The following RNH1 variants were observed in gnomAD, a reference collection of about 807,000 sequenced individuals.
RNH1 encodes ribonuclease/angiogenin inhibitor 1.
Under a neutral mutation model 46.1 loss-of-function variants are expected in RNH1, and 38 were observed. That is an observed-to-expected ratio of 0.82 (90% CI 0.64 to 1.08). The LOEUF (loss-of-function observed/expected upper bound fraction) is 1.08, where lower values mean the gene tolerates loss of function less well. Ranked by LOEUF, RNH1 falls within the 50% of genes least tolerant of loss-of-function variation. RNH1 has a pLI of 0.00. For missense variants in RNH1, 577 were observed against 590.7 expected, an observed-to-expected ratio of 0.98 and a Z score of 0.24; for synonymous variants, 319 against 279.1, an observed-to-expected ratio of 1.14 and a Z score of -1.43.
At chr11:500,219 T>C in intron 4 of RNH1, 1 of 656,028 alleles carries the variant, frequency 1.5e-6, no homozygotes, top group Non-Finnish European at 2.6e-6. Flanking sequence ...CACCTTTCAG[T>C]GGGGGTCTGT....
chr11:498,718 C>T (rs376525815), intron 7 of RNH1, 45 bp downstream of exon 7: 70 of 1,589,294 alleles, frequency 4.4e-5, no homozygotes, highest in African/African-American at 3.2e-4. Flanking sequence ...GAGGACGGCC[C>T]GCCGCCCGAC....
chr11:494,775 C>A lies in RNH1; in HGVS notation c.1302G>T (p.Leu434=). The change falls in exon 11 of 11, where the codon CTG becomes CTT. Residue 434 remains leucine (L), a synonymous_variant. Transcript: ENST00000354420. Reference sequence around the variant, plus strand: ...TCTCCTCAGACCAGTAAATGTCGTACAGGCTGCACACAGGCCAGAAGGGAG... The same window carrying A: ...TCTCCTCAGACCAGTAAATGTCGTAAAGGCTGCACACAGGCCAGAAGGGAG... ...QPGCLLEQLV[L]YDIYWSEEME... 1.1e-5 allele frequency: 18 copies of A among 1,613,998 alleles called. No individual in the cohort carries two copies. Among genetic ancestry groups the A allele is most frequent in the Non-Finnish European group, 1.4e-5 (17 of 1,180,004 alleles).
rs745693741 is a variant in RNH1 at position 494,996 on chromosome 11, C to T, written c.1185G>A (p.Leu395=). 62 of 1,605,302 alleles carry T rather than the reference C, an allele frequency of 3.9e-5. No individual in the cohort carries two copies. The highest frequency in any genetic ancestry group is 5.1e-5 in the Non-Finnish European group (60 of 1,176,490). Reference sequence around the variant, plus strand: ...CCAGCTCACGCAGGCTGTGGTTGGCCAACAGGGTTGCGGCGAGGCTGCTGC... The same window carrying T: ...CCAGCTCACGCAGGCTGTGGTTGGCTAACAGGGTTGCGGCGAGGCTGCTGC... ...SSCSSLAATL[L]ANHSLRELDL... Residue 395 remains leucine, a synonymous_variant, in exon 10 of 11, where the codon TTG becomes TTA. Transcript: ENST00000354420.
At chr11:505,107 A>G (rs1473314323) in intron 1 of RNH1, 111 bp from the exon 2 acceptor site, 1 of 152,070 alleles carries the variant, frequency 6.6e-6, no homozygotes, top group East Asian at 1.9e-4. Flanking sequence ...ATGTCTCTCT[A>G]AAACATGTAA....
chr11:500,278 CG>C, intron 4 of RNH1: 1 of 696,490 alleles, frequency 1.4e-6, no homozygotes, highest in Non-Finnish European at 2.4e-6. Context: ...ATCTTGGGTG[CG>C]GGGGCTGGGA....
At position 501,997 on chromosome 11, in the gene RNH1, G is replaced by T; in HGVS notation, c.101+65C>A. 1 of 1,132,028 alleles carries T rather than the reference G, an allele frequency of 8.8e-7. No homozygotes were observed. The highest frequency in any genetic ancestry group is 1.3e-6 in the Non-Finnish European group (1 of 768,026). The allele number at this position is 1,132,028 out of a possible 1,614,324, so 70.1% of individuals were successfully genotyped here. ...GCGTTCCAGAGCAATGCACCCTTCA[G>T]AGGGAGCCGCCACCCGCCAGCCTGC... On this transcript the variant is annotated intron_variant, in intron 3 of 10. Transcript: ENST00000354420. This position sits in a 1 kb window ranked among gnomAD's most constrained non-coding sequence, Gnocchi z 4.1.
At chr11:499,442 G>A (rs986371254) in intron 5 of RNH1, 2 of 679,952 alleles carry the variant, frequency 2.9e-6, no homozygotes, top group African/African-American at 1.8e-5. Context: ...AAAGAAACCA[G>A]CCTCTGGAGG....
chr11:499,023 C>T lies in RNH1; in HGVS notation c.606G>A (p.Glu202=). Residue 202 remains glutamate, a synonymous_variant, in exon 6 of 11, where the codon GAG becomes GAA. Transcript: ENST00000354420. ...CAAGGCCCAGTGCCTACTTGAGCGC[C>T]TCCAGCTGGCAGGGGGAGTCCTTCA... The part of the protein sequence containing the change: ...QGLKDSPCQL[E]ALKLESCGVT... 6.2e-7 allele frequency: 1 copy of T among 1,613,172 alleles called. No homozygotes were observed. The highest frequency in any genetic ancestry group is 8.5e-7 in the Non-Finnish European group (1 of 1,179,940).
intron 5 of RNH1, 62 bp from the exon 6 acceptor site, chr11:499,247 G>A: frequency 6.4e-7 from 1 of 1,568,660 alleles, no homozygotes; most frequent in Non-Finnish European, 8.7e-7. Context: ...TGTGATACCA[G>A]GGAGCACGGG....
At position 501,795 on chromosome 11, in the gene RNH1, C is replaced by G. The variant is rs147483158; in HGVS notation, c.101+267G>C. ...TCCAAGGGAGGGAGAGGAGCTGAGA[C>G]ACCGGAGCCAGAGACCCACTGGCCA... is the stretch of plus-strand genomic sequence containing the variant. On this transcript the variant is annotated intron_variant, in intron 3 of 10. Coordinates refer to ENST00000354420, the MANE Select transcript of RNH1 (RefSeq NM_203387.3). The surrounding 1 kb of genome is among the most constrained non-coding windows in gnomAD (Gnocchi z 4.1). 5.5e-4 allele frequency: 280 copies of G among 509,778 alleles called. No homozygotes were observed. The highest frequency in any genetic ancestry group is 4.8e-3 in the African/African-American group (252 of 52,340). 31.6% of individuals were successfully genotyped at this position (509,778 alleles called of 1,614,324 possible).
Position 501,902 on chromosome 11 carries a change from A to T in RNH1, c.101+160T>A. On this transcript the variant is annotated intron_variant, in intron 3 of 10. Coordinates refer to ENST00000354420, the MANE Select transcript of RNH1 (RefSeq NM_203387.3). This position sits in a 1 kb window ranked among gnomAD's most constrained non-coding sequence, Gnocchi z 4.1. The stretch of plus-strand genomic sequence containing the variant: ...GTTTTACATTCCTAAATTGTCAAAA[A>T]GAAACACAAGAATCACATCTCATGC... 1 of 608,948 alleles carries T rather than the reference A, an allele frequency of 1.6e-6. No individual in the cohort carries two copies. The highest frequency in any genetic ancestry group is 2.8e-5 in the East Asian group (1 of 36,242). 37.7% of individuals were successfully genotyped at this position (608,948 alleles called of 1,614,324 possible). A position where few individuals can be genotyped will look rare whatever the true frequency, so the allele number is the denominator to read the frequency against.
At chr11:495,635 C>A (rs558617348) in intron 9 of RNH1, among the ~76,000 whole-genome samples, 1 of 152,302 alleles carries the variant, frequency 6.6e-6, no homozygotes, top group Non-Finnish European at 1.5e-5. Context: ...GCTGCAGGAC[C>A]CCCACCCTGT....
rs746985382 is a variant in RNH1, at chr11:500,560, T to C, written c.196A>G (p.Asn66Asp). ...PALAELNLRSNELGDVGVHCV... is the reference protein window; with the variant it reads ...PALAELNLRSDELGDVGVHCV... The stretch of plus-strand genomic sequence containing the variant: ...TGCACGCCGACATCGCCCAGCTCGT[T>C]GCTGCGCAGGTTGAGCTCTGCCAGT... Residue 66 changes from asparagine (N) to aspartate (D), a missense_variant, in exon 4 of 11, where the codon AAC becomes GAC. Physicochemically the swap from Asn to Asp is conservative, Grantham distance 23 (BLOSUM62 1). Transcript: ENST00000354420. The C allele has an allele frequency of 2.1e-5, 34 of 1,610,920 alleles. No homozygotes were observed. Among genetic ancestry groups the C allele is most frequent in the Non-Finnish European group, 2.9e-5 (34 of 1,180,010 alleles).
chr11:501,902 A>G lies in RNH1; in HGVS notation c.101+160T>C, dbSNP rs1158426843. The G allele has an allele frequency of 3.3e-6, 2 of 608,830 alleles. No homozygotes were observed. Among genetic ancestry groups the G allele is most frequent in the Admixed American group, 2.8e-5 (1 of 36,044 alleles). 37.7% of individuals were successfully genotyped at this position (608,830 alleles called of 1,614,324 possible). ...GTTTTACATTCCTAAATTGTCAAAA[A>G]GAAACACAAGAATCACATCTCATGC... On this transcript the variant is annotated intron_variant, in intron 3 of 10. Coordinates refer to ENST00000354420, the MANE Select transcript of RNH1 (RefSeq NM_203387.3). The surrounding 1 kb of genome is among the most constrained non-coding windows in gnomAD (Gnocchi z 4.1).
intron 9 of RNH1, 98 bp from the exon 10 acceptor site, chr11:495,151 T>C: frequency 1.6e-6 from 2 of 1,279,560 alleles, no homozygotes; most frequent in East Asian, 2.5e-5. Context: ...CGGACACCTG[T>C]GCTCGGCAAC....
chr11:497,625 G>A lies in RNH1; in HGVS notation c.1127+346C>T, dbSNP rs571139755. On this transcript the variant is annotated intron_variant, in intron 9 of 10. Transcript: ENST00000354420. ...CACTGACCCTCGTGCTCACTCTCAC[G>A]TGCTCACACACGGACACTCGTGCTC... Among the ~76,000 whole-genome samples the A allele has an allele frequency of 1.2e-4, 16 of 137,600 alleles. No homozygotes were observed. In the South Asian group the frequency reaches 2.7e-3, roughly 24 times the overall value. The allele number at this position is 137,600 out of a possible 152,430, so 90.3% of individuals were successfully genotyped here.
Position 498,552 on chromosome 11 carries a change from C to T in RNH1, c.861G>A (p.Lys287=), listed in dbSNP as rs1849386090. ...GCTCGTTGCCGGCCAGGCTGAGCTC[C>T]TTCAGGCTCTCCTTGGCCCTGAGGA... ...CRVLRAKESL[K]ELSLAGNELG... The change falls in exon 8 of 11, where the codon AAG becomes AAA. Residue 287 remains lysine (K), a synonymous_variant. Transcript: ENST00000354420. The T allele has an allele frequency of 1.9e-6, 3 of 1,613,218 alleles. No homozygotes were observed. The highest frequency in any genetic ancestry group is 1.1e-5 in the South Asian group (1 of 91,092).
chr11:503,530 C>T (rs1849941422), intron 2 of RNH1: 1 of 150,832 alleles, frequency 6.6e-6, no homozygotes, highest in African/African-American at 2.4e-5. Flanking sequence ...GAACTGAATC[C>T]AACCGACCCG....
intron 1 of RNH1, chr11:505,340 CTT>C (rs1850172525): frequency 1.3e-5 from 2 of 152,326 alleles, no homozygotes; most frequent in South Asian, 4.1e-4. Flanking sequence ...GCAAAAGGGA[CTT>C]TGCAAATATT....
Sources: allele counts gnomAD v4.1 joint callset (sites outside exome capture counted in the v4.1 genomes callset), GRCh38; gene constraint gnomAD v4.1.1; non-coding constraint Gnocchi (gnomAD v3.1); transcripts MANE v1.5; gene names NCBI Gene and HGNC (gene_info 2026-07-23, HGNC 2026-07-21).